Variants in PTPRD observed in about 807,000 individuals in gnomAD.
PTPRD encodes receptor-type tyrosine-protein phosphatase delta.
Under a neutral mutation model 214.5 loss-of-function variants are expected in PTPRD, and 34 were observed. The ratio of observed to expected loss-of-function variants is 0.16; its 90% CI spans 0.12 to 0.21. The LOEUF (loss-of-function observed/expected upper bound fraction) is 0.21, where lower values mean the gene tolerates loss of function less well. Ranked by LOEUF, PTPRD falls within the 10% of genes least tolerant of loss-of-function variation. PTPRD has a pLI of 1.00. For missense variants in PTPRD, 2,545 were observed against 2,398.7 expected, an observed-to-expected ratio of 1.06 and a Z score of -1.27; for synonymous variants, 1,128 against 845.7, an observed-to-expected ratio of 1.33 and a Z score of -5.79.
At chr9:9,544,547 G>A (rs1312969428) in intron 8 of PTPRD, among the ~76,000 whole-genome samples, 1 of 151,488 alleles carries the variant, frequency 6.6e-6, no homozygotes, top group African/African-American at 2.4e-5. Flanking sequence ...AACATCTCTC[G>A]ACTGTGTCTT....
At chr9:8,715,511 CA>C (rs2098422180) in intron 12 of PTPRD, among the ~76,000 whole-genome samples, 1 of 152,118 alleles carries the variant, frequency 6.6e-6, no homozygotes, top group African/African-American at 2.4e-5. Context: ...CAAACTTGAC[CA>C]AGACCACTTA....
chr9:9,942,477 A>G (rs1299683091), intron 4 of PTPRD, among the ~76,000 whole-genome samples: 3 of 152,178 alleles, frequency 2.0e-5, no homozygotes, highest in Admixed American at 6.6e-5. Context: ...CAATTTGTAT[A>G]TAAGATGTAC....
At chr9:8,581,169 G>C (rs1429847264) in intron 14 of PTPRD, among the ~76,000 whole-genome samples, 1 of 151,964 alleles carries the variant, frequency 6.6e-6, no homozygotes, top group Non-Finnish European at 1.5e-5. Flanking sequence ...TAAGTAAGAT[G>C]CTGTAGATGC....
At chr9:10,405,455 G>A (rs1171885456) in intron 2 of PTPRD, among the ~76,000 whole-genome samples, 1 of 151,606 alleles carries the variant, frequency 6.6e-6, no homozygotes, top group African/African-American at 2.4e-5. Flanking sequence ...CAGTATAGTA[G>A]AGCAAGGGTT....
chr9:10,165,772 C>T (rs2154292858), intron 3 of PTPRD, among the ~76,000 whole-genome samples: 1 of 150,912 alleles, frequency 6.6e-6, no homozygotes, highest in Non-Finnish European at 1.5e-5. Context: ...AGTATTTTCT[C>T]TTAAAAAAAA....
intron 2 of PTPRD, among the ~76,000 whole-genome samples, chr9:10,519,639 G>C (rs948315001): frequency 3.3e-5 from 5 of 151,990 alleles, no homozygotes; most frequent in African/African-American, 4.8e-5. Flanking sequence ...TCTGTATTGA[G>C]CAAGTCCATC....
At chr9:9,511,758 T>G (rs1300835824) in intron 8 of PTPRD, among the ~76,000 whole-genome samples, 5 of 151,826 alleles carry the variant, frequency 3.3e-5, no homozygotes, top group African/African-American at 1.2e-4. Context: ...TTTAGATAAT[T>G]GTATTCAATA....
intron 3 of PTPRD, among the ~76,000 whole-genome samples, chr9:10,056,301 A>G (rs1482414762): frequency 6.6e-6 from 1 of 150,624 alleles, no homozygotes; most frequent in Non-Finnish European, 1.5e-5. Flanking sequence ...AACCTGGGTG[A>G]CAGAGAGAGA....
chr9:9,020,511 A>G (rs1049367275), intron 10 of PTPRD, among the ~76,000 whole-genome samples: 2 of 152,160 alleles, frequency 1.3e-5, no homozygotes, highest in Non-Finnish European at 2.9e-5. Flanking sequence ...TTGAATGTGA[A>G]GGTAAGACAA....
At chr9:9,659,251 G>T (rs750556645) in intron 7 of PTPRD, among the ~76,000 whole-genome samples, 1 of 151,944 alleles carries the variant, frequency 6.6e-6, no homozygotes, top group Non-Finnish European at 1.5e-5. Flanking sequence ...CATATGTGTA[G>T]CTTAAAGATT....
intron 3 of PTPRD, among the ~76,000 whole-genome samples, chr9:10,212,652 T>C (rs997487584): frequency 1.3e-5 from 2 of 152,146 alleles, no homozygotes; most frequent in Non-Finnish European, 2.9e-5. Context: ...CTAATCATTC[T>C]CTGGATGTGT....
intron 3 of PTPRD, among the ~76,000 whole-genome samples, chr9:10,055,491 A>C (rs2097614883): frequency 6.6e-6 from 1 of 152,092 alleles, no homozygotes; most frequent in Non-Finnish European, 1.5e-5. Flanking sequence ...GGAAACTCAA[A>C]ATAGCTTTCC....
rs1329606412 is a variant in PTPRD at position 8,341,366 on chromosome 9, A to C, written c.4948-98T>G. On this transcript the variant is annotated intron_variant, in intron 40 of 45. Coordinates refer to ENST00000381196, the MANE Select transcript of PTPRD (RefSeq NM_002839.4). ...ACCCCAGATTTCCCTTTTAGATATA[A>C]ATCTTTTGTTTACTTAAAGTAAATG... 3.8e-6 allele frequency: 5 copies of C among 1,304,910 alleles called. No individual in the cohort carries two copies. The South Asian group carries it at 4.6e-5, about 12-fold the overall frequency. 80.8% of individuals were successfully genotyped at this position (1,304,910 alleles called of 1,614,324 possible).
intron 9 of PTPRD, among the ~76,000 whole-genome samples, chr9:9,241,680 T>C (rs1407490574): frequency 1.3e-5 from 2 of 152,084 alleles, no homozygotes; most frequent in East Asian, 1.9e-4. Flanking sequence ...TGCCTTTTTT[T>C]GTTTTCCGTT....
intron 14 of PTPRD, among the ~76,000 whole-genome samples, chr9:8,599,613 CTTTTTTTTTTTTTTT>C (rs1172437057): frequency 1.3e-4 from 7 of 53,428 alleles, no homozygotes; most frequent in African/African-American, 4.9e-4. Context: ...CCCGCCCACC[CTTTTTTTTTTTTTTT>C]TTTTTTTTTT....
At chr9:8,634,122 G>A (rs1372315228) in intron 13 of PTPRD, among the ~76,000 whole-genome samples, 1 of 151,708 alleles carries the variant, frequency 6.6e-6, no homozygotes, top group East Asian at 1.9e-4. Context: ...GCTTCACCAG[G>A]CAGAAAATTA....
intron 9 of PTPRD, among the ~76,000 whole-genome samples, chr9:9,321,502 C>T (rs1966496427): frequency 6.7e-6 from 1 of 148,530 alleles, no homozygotes; most frequent in African/African-American, 2.5e-5. Flanking sequence ...TTGCTGTGAG[C>T]CGAGATCACA....
intron 2 of PTPRD, among the ~76,000 whole-genome samples, chr9:10,464,443 G>A (rs1447648116): frequency 6.6e-6 from 1 of 150,918 alleles, no homozygotes; most frequent in Non-Finnish European, 1.5e-5. Context: ...AGAGAGGAAA[G>A]GAGGAAAGGA....
At chr9:9,717,590 G>C (rs1398519555) in intron 7 of PTPRD, among the ~76,000 whole-genome samples, 1 of 152,152 alleles carries the variant, frequency 6.6e-6, no homozygotes, top group Non-Finnish European at 1.5e-5. Context: ...GAAAACAGCA[G>C]ACATGGAAGG....
Sources: gnomAD v4.1 joint callset for allele counts (sites outside exome capture counted in the v4.1 genomes callset) on GRCh38, gnomAD v4.1.1 for gene constraint, MANE v1.5 for transcripts, NCBI Gene and HGNC (gene_info 2026-07-23, HGNC 2026-07-21) for gene names.